The following PCDHGA6 variants were observed in gnomAD, a reference collection of about 807,000 sequenced individuals.
PCDHGA6 encodes protocadherin gamma-A6.
Under a neutral mutation model 60.6 loss-of-function variants are expected in PCDHGA6, and 41 were observed. The ratio of observed to expected loss-of-function variants is 0.68; its 90% CI spans 0.53 to 0.88. The LOEUF is 0.88. Ranked by LOEUF, PCDHGA6 falls within the 40% of genes least tolerant of loss-of-function variation. The pLI is 0.00. For synonymous variants in PCDHGA6, 594 were observed against 524.4 expected (o/e 1.13, Z -1.81); for missense variants, 1,312 against 1,203.0 (o/e 1.09, Z -1.34).
rs1772064836 is a variant in PCDHGA6, at chr5:141,375,938, G to A, written c.1855G>A (p.Val619Met). 6.2e-7 allele frequency: 1 copy of A among 1,613,558 alleles called. No homozygotes were observed. Among genetic ancestry groups the A allele is most frequent in the African/African-American group, 1.3e-5 (1 of 74,938 alleles). Residue 619 changes from valine to methionine, a missense_variant, in exon 1 of 4, where the codon GTG becomes ATG. Transcript: ENST00000517434. ...LKASEPGLFS[V>M]GLHTGEVRTA... ...GGCCAGCGAGCCAGGACTTTTCTCA[G>A]TGGGCCTGCACACGGGCGAGGTGCG... is the stretch of plus-strand genomic sequence containing the variant.
rs904052827 is a variant in PCDHGA6 at position 141,376,411 on chromosome 5, C to G, written c.2328C>G (p.Ala776=). ...SHLIFPQPNY[A]DTLINQESYE... ...TGATTTTCCCCCAGCCCAACTATGC[C>G]GACACGCTTATCAACCAGGAGAGCT... Residue 776 remains alanine, a synonymous_variant, in exon 1 of 4, where the codon GCC becomes GCG. Transcript: ENST00000517434. The G allele has an allele frequency of 4.3e-6, 7 of 1,614,180 alleles. No homozygotes were observed. The highest frequency in any genetic ancestry group is 3.3e-5 in the South Asian group (3 of 91,086).
intron 1 of PCDHGA6, chr5:141,422,056 G>A: frequency 8.7e-6 from 14 of 1,611,934 alleles, no homozygotes; most frequent in Non-Finnish European, 1.2e-5. Flanking sequence ...AATCAACGGG[G>A]AAGTAATGTA....
intron 1 of PCDHGA6, chr5:141,405,545 A>G (rs952875482): frequency 1.6e-6 from 1 of 631,162 alleles, no homozygotes; most frequent in South Asian, 2.0e-5. Flanking sequence ...TCAGCCTCCC[A>G]AGTAGAGTAG....
At chr5:141,379,501 T>C (rs969965140) in intron 1 of PCDHGA6, 7 of 152,268 alleles carry the variant, frequency 4.6e-5, no homozygotes, top group Non-Finnish European at 8.8e-5. Context: ...CAATTTGGGA[T>C]GTTAAACTAC....
At chr5:141,465,162 G>A (rs1464525964) in intron 1 of PCDHGA6, among the ~76,000 whole-genome samples, 1 of 151,654 alleles carries the variant, frequency 6.6e-6, no homozygotes, top group Non-Finnish European at 1.5e-5. Context: ...GACTCTAAAT[G>A]TTTATGAAGA....
chr5:141,443,243 C>T (rs755331096), intron 1 of PCDHGA6, among the ~76,000 whole-genome samples: 9 of 151,618 alleles, frequency 5.9e-5, no homozygotes, highest in Non-Finnish European at 1.0e-4. Flanking sequence ...CACTTTGGGG[C>T]GCCAAGGCGG....
At chr5:141,484,790 A>T (rs1562101198) in intron 1 of PCDHGA6, among the ~76,000 whole-genome samples, 1 of 152,076 alleles carries the variant, frequency 6.6e-6, no homozygotes, top group Admixed American at 6.6e-5. Flanking sequence ...CACAGAGATA[A>T]CAACCCGTGG....
chr5:141,401,586 A>G (rs1174763520), intron 1 of PCDHGA6, among the ~76,000 whole-genome samples: 2 of 152,228 alleles, frequency 1.3e-5, no homozygotes, highest in Admixed American at 1.3e-4. Context: ...ATCCTGACAT[A>G]TTCTTGAAGA....
intron 1 of PCDHGA6, among the ~76,000 whole-genome samples, chr5:141,466,614 G>A (rs75804312): frequency 1.4e-3 from 218 of 152,142 alleles, no homozygotes; most frequent in Middle Eastern, 6.8e-3. Context: ...GTAAACTGCC[G>A]TTTTCTTTGG....
In PCDHGA6 at chr5:141,485,867, G is replaced by T; in HGVS notation, c.2425-8940G>T. The T allele has an allele frequency of 6.2e-7, 1 of 1,614,164 alleles. No homozygotes were observed. Among genetic ancestry groups the T allele is most frequent in the Non-Finnish European group, 8.5e-7 (1 of 1,180,040 alleles). On this transcript the variant is annotated intron_variant, in intron 1 of 3. Transcript: ENST00000517434. The surrounding 1 kb of genome is among the most constrained non-coding windows in gnomAD (Gnocchi z 5.7). ...TGGCACCGCAGAGCTCCGGGTATCC[G>T]TGCTGGACGTAAACGACAACGCCCC...
Position 141,375,992 on chromosome 5 carries a change from G to A in PCDHGA6, c.1909G>A (p.Ala637Thr), listed in dbSNP as rs1277276450. The change falls in exon 1 of 4, where the codon GCG becomes ACG. Residue 637 changes from alanine (A) to threonine (T), a missense_variant. Physicochemically the swap from Ala to Thr is moderately conservative, Grantham distance 58. Coordinates refer to ENST00000517434, the MANE Select transcript of PCDHGA6 (RefSeq NM_018919.3). Reference sequence around the variant, plus strand: ...GGCGCGCGCCCTGCTGGACAGAGACGCGCTCAAGCAGAGCCTAGTGGTGGC... The same window carrying A: ...GGCGCGCGCCCTGCTGGACAGAGACACGCTCAAGCAGAGCCTAGTGGTGGC... ...RTARALLDRD[A>T]LKQSLVVAVQ... The A allele has an allele frequency of 5.6e-6, 9 of 1,613,328 alleles. No individual in the cohort carries two copies. Among genetic ancestry groups the A allele is most frequent in the Admixed American group, 1.7e-5 (1 of 59,988 alleles).
intron 1 of PCDHGA6, chr5:141,426,767 A>C (rs1219028777): frequency 2.2e-6 from 1 of 456,666 alleles, no homozygotes. Flanking sequence ...ATGCAGATGT[A>C]GGGCCTCACT....
Position 141,489,595 on chromosome 5 carries a change from G to A in PCDHGA6, c.2425-5212G>A. The A allele has an allele frequency of 1.2e-6, 2 of 1,614,132 alleles. No individual in the cohort carries two copies. Among genetic ancestry groups the A allele is most frequent in the Non-Finnish European group, 1.7e-6 (2 of 1,180,004 alleles). On this transcript the variant is annotated intron_variant, in intron 1 of 3. Coordinates refer to ENST00000517434, the MANE Select transcript of PCDHGA6 (RefSeq NM_018919.3). The surrounding 1 kb of genome is among the most constrained non-coding windows in gnomAD (Gnocchi z 4.5). Reference sequence around the variant, plus strand: ...TGAACACCCCCTGGAGCTAATCCGTGTAGAGGTAGAGATCCTGGATCTCAA... The same window carrying A: ...TGAACACCCCCTGGAGCTAATCCGTATAGAGGTAGAGATCCTGGATCTCAA...
In PCDHGA6 at chr5:141,505,466, T is replaced by C. The variant is rs763151131; in HGVS notation, c.2557T>C (p.Leu853=). 1 of 1,614,200 alleles carries C rather than the reference T, an allele frequency of 6.2e-7. No individual in the cohort carries two copies. The highest frequency in any genetic ancestry group is 1.3e-5 in the African/African-American group (1 of 75,068). The part of the protein sequence containing the change: ...FDTEMLQAMI[L]ASASEAADGS... Reference sequence around the variant, plus strand: ...CACAGAGATGCTGCAAGCCATGATCTTGGCGTCCGCCAGTGGTAAGTGGTG... The same window carrying C: ...CACAGAGATGCTGCAAGCCATGATCCTGGCGTCCGCCAGTGGTAAGTGGTG... The change falls in exon 3 of 4, where the codon TTG becomes CTG. Residue 853 remains leucine, a synonymous_variant. Transcript: ENST00000517434.
chr5:141,470,444 A>G (rs970120314), intron 1 of PCDHGA6, among the ~76,000 whole-genome samples: 8 of 152,222 alleles, frequency 5.3e-5, no homozygotes, highest in African/African-American at 1.9e-4. Context: ...ATAATTTAAT[A>G]GCATCTTGAA....
chr5:141,427,896 C>G, intron 1 of PCDHGA6: 1 of 1,570,508 alleles, frequency 6.4e-7, no homozygotes, highest in East Asian at 2.2e-5. Context: ...CCAGGGCTCG[C>G]CCGCGCTCAG....
At chr5:141,445,169 T>C (rs2098458681) in intron 1 of PCDHGA6, among the ~76,000 whole-genome samples, 3 of 152,320 alleles carry the variant, frequency 2.0e-5, no homozygotes, top group Non-Finnish European at 1.5e-5. Flanking sequence ...TACAGAAAAA[T>C]GAAAAACTAT....
In PCDHGA6 at chr5:141,431,553, A is replaced by G; in HGVS notation, c.2424+55046A>G. ...TTGGGCACGCAGCTGCTTGTAGTCA[A>G]CGCTACCGACCCTGACGAAGGAGTC... On this transcript the variant is annotated intron_variant, in intron 1 of 3. Transcript: ENST00000517434. The surrounding 1 kb of genome is among the most constrained non-coding windows in gnomAD (Gnocchi z 4.8). 1.2e-6 allele frequency: 2 copies of G among 1,614,112 alleles called. No individual in the cohort carries two copies. Among genetic ancestry groups the G allele is most frequent in the Non-Finnish European group, 1.7e-6 (2 of 1,180,020 alleles).
intron 1 of PCDHGA6, chr5:141,385,135 G>A (rs948872903): frequency 6.2e-7 from 1 of 1,614,214 alleles, no homozygotes; most frequent in Admixed American, 1.7e-5. Context: ...CATGGACGGG[G>A]TGCAGGCTTT....
Sources: allele counts gnomAD v4.1 joint callset (sites outside exome capture counted in the v4.1 genomes callset), GRCh38; gene constraint gnomAD v4.1.1; non-coding constraint Gnocchi (gnomAD v3.1); transcripts MANE v1.5; gene names NCBI Gene and HGNC (gene_info 2026-07-23, HGNC 2026-07-21).